The following NCOA2 variants were observed in gnomAD, a reference collection of about 807,000 sequenced individuals.
NCOA2 encodes the protein class E basic helix-loop-helix protein 75.
Under a neutral mutation model 145.1 loss-of-function variants are expected in NCOA2, and 21 were observed. The observed-to-expected ratio is 0.14, with a 90% confidence interval of 0.10 to 0.21. The LOEUF (loss-of-function observed/expected upper bound fraction) is 0.21. Among genes scored for constraint, NCOA2 ranks in the 10% least tolerant of loss-of-function variants. NCOA2 has a pLI of 1.00. For synonymous variants in NCOA2, 619 were observed against 637.5 expected (o/e 0.97, Z 0.44); for missense variants, 1,472 against 1,837.6 (o/e 0.80, Z 3.64).
Position 70,126,878 on chromosome 8 carries a change from G to C in NCOA2, c.3851C>G (p.Ala1284Gly), listed in dbSNP as rs779729843. ...PSMVAPSGMPATMSNPRIPQA... is the reference protein window; with the variant it reads ...PSMVAPSGMPGTMSNPRIPQA... ...GGGAATCCGAGGGTTGCTCATAGTT[G>C]CTGGCATACCACTAGGAGCCACCAT... Residue 1284 changes from alanine (A) to glycine (G), a missense_variant, in exon 19 of 23, where the codon GCA becomes GGA. Coordinates refer to ENST00000452400, the MANE Select transcript of NCOA2 (RefSeq NM_006540.4). 1.9e-6 allele frequency: 3 copies of C among 1,613,906 alleles called. No individual in the cohort carries two copies. The highest frequency in any genetic ancestry group is 2.5e-6 in the Non-Finnish European group (3 of 1,179,888).
chr8:70,226,110 T>A (rs1820612039), intron 2 of NCOA2, among the ~76,000 whole-genome samples: 2 of 152,200 alleles, frequency 1.3e-5, no homozygotes, highest in South Asian at 4.1e-4. Flanking sequence ...AATTAAAAAA[T>A]TAAAAATTAA....
intron 2 of NCOA2, among the ~76,000 whole-genome samples, chr8:70,290,173 C>T (rs1586385143): frequency 6.7e-6 from 1 of 149,956 alleles, no homozygotes; most frequent in Admixed American, 6.7e-5. Flanking sequence ...CCAAAAAATA[C>T]ATTTCCATTG....
intron 2 of NCOA2, among the ~76,000 whole-genome samples, chr8:70,290,458 G>A (rs1826583315): frequency 6.6e-6 from 1 of 152,116 alleles, no homozygotes; most frequent in Non-Finnish European, 1.5e-5. Context: ...AAAGTGCTGG[G>A]ATTACAGGTG....
chr8:70,253,445 CA>C (rs1563684196), intron 2 of NCOA2, among the ~76,000 whole-genome samples: 1 of 151,728 alleles, frequency 6.6e-6, no homozygotes, highest in African/African-American at 2.4e-5. Context: ...ATCAGAATGC[CA>C]GAGTAGAAAT....
chr8:70,177,591 T>G (rs188888563), intron 4 of NCOA2, among the ~76,000 whole-genome samples: 143 of 152,282 alleles, frequency 9.4e-4, no homozygotes, highest in African/African-American at 3.1e-3. Context: ...CAGGGTCAAG[T>G]AATATGGGAA....
chr8:70,136,550 GA>G (rs67745153), intron 15 of NCOA2, among the ~76,000 whole-genome samples: 51,682 of 137,022 alleles, frequency 0.38, 11,766 homozygotes, highest in East Asian at 0.66. Flanking sequence ...ATGAATGAAG[GA>G]AAAAAAAAAA....
At chr8:70,340,603 C>G (rs1808042611) in intron 1 of NCOA2, among the ~76,000 whole-genome samples, 1 of 152,060 alleles carries the variant, frequency 6.6e-6, no homozygotes, top group South Asian at 2.1e-4. Context: ...GGTATACACC[C>G]AAAGGAATAT....
At chr8:70,441,980 G>C in the NCOA2 span, among the ~76,000 whole-genome samples, 2 of 131,104 alleles carry the variant, frequency 1.5e-5, no homozygotes, top group South Asian at 4.9e-4. Flanking sequence ...AAAGAAAGAG[G>C]AAAGAGAGAA....
chr8:70,427,114 C>T, the NCOA2 span, among the ~76,000 whole-genome samples: 3 of 151,988 alleles, frequency 2.0e-5, no homozygotes, highest in Non-Finnish European at 2.9e-5. Context: ...TTTTTTAAGC[C>T]AAGAAAGCCT....
intron 1 of NCOA2, among the ~76,000 whole-genome samples, chr8:70,336,847 A>G (rs1010911368): frequency 6.6e-5 from 10 of 152,066 alleles, no homozygotes; most frequent in African/African-American, 2.2e-4. Flanking sequence ...CCATTCATCC[A>G]CTGATGGACA....
chr8:70,178,582 G>A (rs574284674), intron 4 of NCOA2, among the ~76,000 whole-genome samples: 77 of 152,310 alleles, frequency 5.1e-4, no homozygotes, highest in South Asian at 1.2e-3. Context: ...TGTCTGTGCA[G>A]GGGAAGCAAA....
chr8:70,249,393 C>T (rs1045047154), intron 2 of NCOA2, among the ~76,000 whole-genome samples: 18 of 152,180 alleles, frequency 1.2e-4, no homozygotes, highest in Non-Finnish European at 2.9e-5. Flanking sequence ...AAAGAGCATG[C>T]ACTCAGAGTT....
chr8:70,310,531 A>C (rs975628166), intron 1 of NCOA2, among the ~76,000 whole-genome samples: 38 of 152,278 alleles, frequency 2.5e-4, no homozygotes, highest in Admixed American at 1.4e-3. Context: ...CCATAAATTC[A>C]AGGCATGCGT....
chr8:70,285,358 C>T (rs1826164417), intron 2 of NCOA2, among the ~76,000 whole-genome samples: 3 of 152,216 alleles, frequency 2.0e-5, no homozygotes, highest in Admixed American at 2.0e-4. Flanking sequence ...TAAGTGCTCA[C>T]ATACTTCAGC....
the NCOA2 span, among the ~76,000 whole-genome samples, chr8:70,427,513 T>C: frequency 6.6e-6 from 1 of 152,200 alleles, no homozygotes; most frequent in Non-Finnish European, 1.5e-5. Context: ...AGCGAAATAG[T>C]GTTATATCAT....
intron 2 of NCOA2, among the ~76,000 whole-genome samples, chr8:70,293,254 C>T (rs1826842388): frequency 6.6e-6 from 1 of 152,080 alleles, no homozygotes; most frequent in Non-Finnish European, 1.5e-5. Flanking sequence ...TCAAAGTGCC[C>T]ATATCTTCAT....
rs745580019 is a variant in NCOA2, at chr8:70,156,758, G to A, written c.1607C>T (p.Ala536Val). The A allele has an allele frequency of 6.2e-7, 1 of 1,613,898 alleles. No individual in the cohort carries two copies. Among genetic ancestry groups the A allele is most frequent in the Non-Finnish European group, 8.5e-7 (1 of 1,179,902 alleles). The change falls in exon 11 of 23, where the codon GCA (alanine) becomes GTA (valine). Residue 536 changes from alanine (A) to valine (V), a missense_variant. This residue lies in a region of NCOA2 where 953 missense variants were observed against 1,062.1 expected (regional missense o/e 0.90). Transcript: ENST00000452400. ...GTGCCCCTCGCTGAGGGCCTGAAGT[G>A]CATTGAGGGAGCTGTTGGTATAACT... ...SHSYTNSSLN[A>V]LQALSEGHGV...
chr8:70,416,021 TAAAG>T, the NCOA2 span, among the ~76,000 whole-genome samples: 1 of 152,180 alleles, frequency 6.6e-6, no homozygotes, highest in Non-Finnish European at 1.5e-5. Flanking sequence ...TTATATCTAA[TAAAG>T]AGATTAATTT....
the NCOA2 span, among the ~76,000 whole-genome samples, chr8:70,415,644 C>T: frequency 1.3e-5 from 2 of 152,170 alleles, no homozygotes; most frequent in Non-Finnish European, 2.9e-5. Context: ...GGCAACACCT[C>T]TACAGCCCAT....
Sources: gnomAD v4.1 joint callset for allele counts (sites outside exome capture counted in the v4.1 genomes callset) on GRCh38, gnomAD v4.1.1 for gene constraint, gnomAD v4.1.1 regional missense constraint, MANE v1.5 for transcripts, NCBI Gene and HGNC (gene_info 2026-07-23, HGNC 2026-07-21) for gene names.